Variants in CLVS1 observed in about 807,000 individuals in gnomAD.
The protein encoded by CLVS1 is clavesin 1, also known as clavesin-1.
Under a neutral mutation model 33.1 loss-of-function variants are expected in CLVS1, and 10 were observed. The observed-to-expected ratio is 0.30, with a 90% confidence interval of 0.19 to 0.51. CLVS1 has a LOEUF of 0.51. Among genes scored for constraint, CLVS1 ranks in the 20% least tolerant of loss-of-function variants. CLVS1 has a pLI of 0.97. For synonymous variants in CLVS1, 163 were observed against 166.1 expected (o/e 0.98, Z 0.14); for missense variants, 343 against 433.4 (o/e 0.79, Z 1.85).
chr8:61,238,970 T>C (rs918753706), intron 2 of CLVS1, among the ~76,000 whole-genome samples: 1 of 152,232 alleles, frequency 6.6e-6, no homozygotes, highest in Non-Finnish European at 1.5e-5. Context: ...TCTGCCAAGT[T>C]TCTTTCAGGA....
intron 2 of CLVS1, among the ~76,000 whole-genome samples, chr8:61,307,850 C>T (rs1810686345): frequency 6.6e-6 from 1 of 152,132 alleles, no homozygotes; most frequent in African/African-American, 2.4e-5. Context: ...CACACTCCCA[C>T]CTTATGGAGT....
intron 2 of CLVS1, among the ~76,000 whole-genome samples, chr8:61,258,355 T>A (rs1382330957): frequency 6.6e-6 from 1 of 152,238 alleles, no homozygotes; most frequent in Non-Finnish European, 1.5e-5. Flanking sequence ...TTTTAAAAGA[T>A]TATTTTTTAT....
the CLVS1 span, among the ~76,000 whole-genome samples, chr8:61,033,577 C>G: frequency 6.6e-6 from 1 of 152,222 alleles, no homozygotes; most frequent in African/African-American, 2.4e-5. Context: ...TGGGCCCTTT[C>G]TCACTCTCCT....
intron 5 of CLVS1, among the ~76,000 whole-genome samples, chr8:61,497,271 A>G (rs1263295812): frequency 6.6e-6 from 1 of 152,194 alleles, no homozygotes; most frequent in East Asian, 1.9e-4. Flanking sequence ...TCAGGAATGG[A>G]AAGCCATGCA....
chr8:61,456,847 G>A (rs554462042), intron 4 of CLVS1, among the ~76,000 whole-genome samples: 2 of 151,686 alleles, frequency 1.3e-5, no homozygotes, highest in African/African-American at 4.8e-5. Context: ...GAACCTGGGA[G>A]GGGGAGCTTG....
intron 2 of CLVS1, among the ~76,000 whole-genome samples, chr8:61,361,042 C>T (rs1328909758): frequency 2.6e-5 from 4 of 151,992 alleles, no homozygotes; most frequent in Admixed American, 6.6e-5. Context: ...ATGGCAGGGG[C>T]AGAAGGAAGA....
At chr8:61,156,971 G>A (rs1446843545) in intron 2 of CLVS1, among the ~76,000 whole-genome samples, 1 of 152,202 alleles carries the variant, frequency 6.6e-6, no homozygotes, top group African/African-American at 2.4e-5. Flanking sequence ...GATCTACGAA[G>A]CACCTTGGGC....
chr8:61,256,465 A>G (rs533721232), intron 2 of CLVS1, among the ~76,000 whole-genome samples: 1 of 152,346 alleles, frequency 6.6e-6, no homozygotes, highest in South Asian at 2.1e-4. Context: ...GTGAGCCGAG[A>G]TCGTGCCACT....
chr8:60,991,744 CTTTTTTTT>C, the CLVS1 span, among the ~76,000 whole-genome samples: 1,235 of 118,970 alleles, frequency 0.01, 25 homozygotes, highest in African/African-American at 0.039. Flanking sequence ...AAGCCCCACT[CTTTTTTTT>C]TTTTTTTTTT....
chr8:61,158,864 G>A (rs913205472), intron 2 of CLVS1, among the ~76,000 whole-genome samples: 4 of 151,954 alleles, frequency 2.6e-5, no homozygotes, highest in Admixed American at 6.6e-5. Context: ...TTAAAGACAA[G>A]GTCTTGCTGT....
At chr8:61,304,062 C>A (rs1810527845) in intron 2 of CLVS1, among the ~76,000 whole-genome samples, 1 of 152,214 alleles carries the variant, frequency 6.6e-6, no homozygotes, top group South Asian at 2.1e-4. Context: ...ACAGACCCAG[C>A]CCTGTGGGGC....
chr8:61,074,774 C>A (rs778819916), intron 1 of CLVS1, among the ~76,000 whole-genome samples: 10 of 151,910 alleles, frequency 6.6e-5, no homozygotes, highest in Non-Finnish European at 1.0e-4. Context: ...TATTACCTTG[C>A]AGGATTGTTT....
chr8:61,011,460 A>T, the CLVS1 span, among the ~76,000 whole-genome samples: 2 of 151,730 alleles, frequency 1.3e-5, no homozygotes, highest in African/African-American at 2.4e-5. Flanking sequence ...TTATTTATTT[A>T]TTTTTTGAGG....
intron 2 of CLVS1, among the ~76,000 whole-genome samples, chr8:61,161,300 C>T (rs1459856694): frequency 6.6e-6 from 1 of 152,162 alleles, no homozygotes; most frequent in African/African-American, 2.4e-5. Flanking sequence ...TATAACTCAA[C>T]AATTTTACTT....
chr8:61,111,252 A>G (rs1805622957), intron 1 of CLVS1, among the ~76,000 whole-genome samples: 2 of 152,140 alleles, frequency 1.3e-5, no homozygotes, highest in African/African-American at 4.8e-5. Flanking sequence ...ATTCACAAAC[A>G]TAAAAAATCA....
intron 2 of CLVS1, among the ~76,000 whole-genome samples, chr8:61,163,536 T>A (rs962800482): frequency 2.0e-5 from 3 of 152,194 alleles, no homozygotes; most frequent in African/African-American, 7.2e-5. Context: ...GGGTGAGTCT[T>A]TGTTCTTAGA....
the CLVS1 span, among the ~76,000 whole-genome samples, chr8:60,979,926 G>T: frequency 2.6e-5 from 4 of 152,216 alleles, no homozygotes; most frequent in African/African-American, 7.2e-5. Flanking sequence ...TCACTATCAG[G>T]TCGAAGTTAA....
chr8:61,168,380 A>C (rs1290260980), intron 2 of CLVS1, among the ~76,000 whole-genome samples: 1 of 152,232 alleles, frequency 6.6e-6, no homozygotes, highest in Non-Finnish European at 1.5e-5. Context: ...AAAGAGCCTA[A>C]TCAGTCACTA....
intron 2 of CLVS1, among the ~76,000 whole-genome samples, chr8:61,341,599 T>G (rs965389773): frequency 6.6e-6 from 1 of 152,162 alleles, no homozygotes; most frequent in African/African-American, 2.4e-5. Flanking sequence ...TTCCTGGGAA[T>G]GCACACCTCC....
Sources: gnomAD v4.1 joint callset for allele counts (sites outside exome capture counted in the v4.1 genomes callset) on GRCh38, gnomAD v4.1.1 for gene constraint, MANE v1.5 for transcripts, NCBI Gene and HGNC (gene_info 2026-07-23, HGNC 2026-07-21) for gene names.